Variants in MYO19 observed in about 807,000 individuals in gnomAD.
MYO19 encodes the protein myosin XIX.
MYO19 carries 132 observed loss-of-function variants against 129.2 expected under a neutral mutation model. The observed-to-expected ratio is 1.02, with a 90% CI of 0.89 to 1.18. MYO19 has a LOEUF of 1.18. MYO19 is among the 50% of genes most tolerant of loss of function. The pLI is 0.00. For missense variants in MYO19, 1,210 were observed against 1,216.7 expected (o/e 0.99, Z 0.08); for synonymous variants, 531 against 477.2 (o/e 1.11, Z -1.47).
upstream of MYO19, among the ~76,000 whole-genome samples, chr17:36,543,633 T>C: frequency 6.6e-6 from 1 of 152,098 alleles, no homozygotes; most frequent in East Asian, 1.9e-4. Context: ...AAATACTTTA[T>C]TTTGTTTTGA....
chr17:36,496,221 A>T lies in MYO19; in HGVS notation c.*30T>A. ...TCTTTGGCAAGGCAGGGGGCAGGAA[A>T]AGGCCTTGTGGAAACAAAGGCACCA... On this transcript the variant is annotated 3_prime_UTR_variant, in exon 26 of 26. Transcript: ENST00000614623. 1.2e-6 allele frequency: 2 copies of T among 1,611,714 alleles called. No individual in the cohort carries two copies. The highest frequency in any genetic ancestry group is 1.7e-6 in the Non-Finnish European group (2 of 1,178,264).
At chr17:36,538,105 A>G, upstream of MYO19, 1 of 1,614,208 alleles carries the variant, frequency 6.2e-7, no homozygotes, top group Non-Finnish European at 8.5e-7. Flanking sequence ...CATATCAAAG[A>G]CTTGATAAAA....
Position 36,506,516 on chromosome 17 carries a change from G to C in MYO19, c.1737C>G (p.Thr579=). Residue 579 remains threonine, a synonymous_variant, in exon 18 of 26, where the codon ACC becomes ACG. Transcript: ENST00000614623. ...TGCTCTGGCCAGGGGGTTCCTCCTG[G>C]GTCTTCTCTTTGGGGTTAGTAGGAA... ...GLFPTNPKEK[T]QEEPPGQSRA... 5 of 1,606,446 alleles carry C rather than the reference G, an allele frequency of 3.1e-6. No homozygotes were observed. Among genetic ancestry groups the C allele is most frequent in the Non-Finnish European group, 4.2e-6 (5 of 1,177,544 alleles).
chr17:36,518,893 T>G (rs1439863441), intron 6 of MYO19, among the ~76,000 whole-genome samples: 1 of 152,116 alleles, frequency 6.6e-6, no homozygotes, highest in African/African-American at 2.4e-5. Context: ...TCCCAATGTT[T>G]TAGGATTTTC....
intron 4 of MYO19, 119 bp from the exon 5 acceptor site, chr17:36,527,818 C>T (rs909653699): frequency 5.6e-5 from 66 of 1,182,676 alleles, no homozygotes; most frequent in Admixed American, 1.4e-4. Flanking sequence ...CATTAAATCC[C>T]AGCAGCTCCC....
At chr17:36,521,352 A>T (rs1306703817) in intron 6 of MYO19, among the ~76,000 whole-genome samples, 3 of 152,236 alleles carry the variant, frequency 2.0e-5, no homozygotes, top group African/African-American at 7.2e-5. Flanking sequence ...GTTAGAAAAA[A>T]ACTAGAATGT....
chr17:36,503,950 C>T lies in MYO19; in HGVS notation c.1976G>A (p.Arg659Gln), dbSNP rs751925536. ...IHISAAGFPI[R>Q]VSHRNFVERY... ...CTGTGCCGTGATCGAGCCCACTCACCGGATGGGGAAGCCAGCAGCACTGAT... is the reference window on the plus strand; with the variant it reads ...CTGTGCCGTGATCGAGCCCACTCACTGGATGGGGAAGCCAGCAGCACTGAT... The change falls in exon 20 of 26, where the codon CGG becomes CAG. Residue 659 changes from arginine to glutamine, a missense_variant and splice_region_variant. Coordinates refer to ENST00000614623, the MANE Select transcript of MYO19 (RefSeq NM_001163735.2). The T allele has an allele frequency of 3.0e-5, 48 of 1,588,990 alleles. No homozygotes were observed. The highest frequency in any genetic ancestry group is 4.6e-5 in the South Asian group (4 of 86,848).
intron 8 of MYO19, 26 bp downstream of exon 8, chr17:36,515,087 C>CTG (rs2072649636): frequency 6.3e-7 from 1 of 1,588,902 alleles, no homozygotes; most frequent in Non-Finnish European, 8.6e-7. Flanking sequence ...CATCCTCCCA[C>CTG]TAGCCAGGGC....
chr17:36,505,517 G>A (rs2071824289), intron 18 of MYO19, 113 bp from the exon 19 acceptor site: 2 of 712,490 alleles, frequency 2.8e-6, no homozygotes, highest in East Asian at 5.2e-5. Flanking sequence ...CCATGATCCT[G>A]AGACCAAGAA....
chr17:36,530,623 A>ATTT (rs71159612), intron 3 of MYO19, among the ~76,000 whole-genome samples: 2 of 79,052 alleles, frequency 2.5e-5, no homozygotes, highest in Non-Finnish European at 5.6e-5. Flanking sequence ...TGGCTTTTGT[A>ATTT]TTTTTTTTTT....
upstream of MYO19, among the ~76,000 whole-genome samples, chr17:36,536,129 C>G (rs55791191): frequency 6.6e-6 from 1 of 152,278 alleles, no homozygotes; most frequent in South Asian, 2.1e-4. Flanking sequence ...TTTTACAACC[C>G]TTAATAAAAG....
At chr17:36,504,379 A>G in intron 19 of MYO19, 1 of 235,202 alleles carries the variant, frequency 4.3e-6, no homozygotes, top group Non-Finnish European at 8.2e-6. Flanking sequence ...GTCTGCAGGC[A>G]TTAGAGGGTG....
At chr17:36,528,277 G>C in intron 3 of MYO19, 75 bp from the exon 4 acceptor site, 1 of 1,463,960 alleles carries the variant, frequency 6.8e-7, no homozygotes, top group Non-Finnish European at 9.3e-7. Context: ...GGGAGGCCAA[G>C]GCGGGCAGGA....
In MYO19 at chr17:36,498,333, G is replaced by C; in HGVS notation, c.2690C>G (p.Pro897Arg). Reference sequence around the variant, plus strand: ...TGCTGTCTGGACAGTGTAGCTACTGGGGCTGCCCCTGGGGAGCTGGAGGCA... The same window carrying C: ...TGCTGTCTGGACAGTGTAGCTACTGCGGCTGCCCCTGGGGAGCTGGAGGCA... ...WACLQLPRGS[P>R]SSYTVQTAQD... The change falls in exon 25 of 26, where the codon CCC becomes CGC. Residue 897 changes from proline to arginine, a missense_variant. Pro to Arg is a moderately radical substitution (Grantham distance 103). Transcript: ENST00000614623. 1 of 1,613,976 alleles carries C rather than the reference G, an allele frequency of 6.2e-7. No individual in the cohort carries two copies. The highest frequency in any genetic ancestry group is 8.5e-7 in the Non-Finnish European group (1 of 1,179,892).
At chr17:36,531,595 TAA>T (rs1033006641) in intron 3 of MYO19, among the ~76,000 whole-genome samples, 45 of 151,752 alleles carry the variant, frequency 3.0e-4, no homozygotes, top group African/African-American at 1.0e-3. Flanking sequence ...TTTTTTTTAA[TAA>T]GAGAAAAAAA....
rs984388422 is a variant in MYO19 at position 36,495,727 on chromosome 17, T to C, written c.*524A>G. 3.8e-5 allele frequency: 48 copies of C among 1,247,886 alleles called. No individual in the cohort carries two copies. Among genetic ancestry groups the C allele is most frequent in the Non-Finnish European group, 4.4e-5 (44 of 997,512 alleles). The allele number at this position is 1,247,886 out of a possible 1,614,324, so 77.3% of individuals were successfully genotyped here. On this transcript the variant is annotated 3_prime_UTR_variant, in exon 26 of 26. Transcript: ENST00000614623. Reference sequence around the variant, plus strand: ...CATATGGAGTTAAACTTGGTCAGTGTTAATAAAATCAAAACGTGATTCTAC... The same window carrying C: ...CATATGGAGTTAAACTTGGTCAGTGCTAATAAAATCAAAACGTGATTCTAC...
In MYO19 at chr17:36,498,254, C is replaced by T. The variant is rs553814007; in HGVS notation, c.2757+12G>A. ...AGGAACAAAGCTGTCATGGCCATCA[C>T]ACACAACGTACCTGAGGCAGCGCTC... On this transcript the variant is annotated intron_variant, in intron 25 of 25. Transcript: ENST00000614623. 6 of 1,602,460 alleles carry T rather than the reference C, an allele frequency of 3.7e-6. No individual in the cohort carries two copies. The highest frequency in any genetic ancestry group is 5.1e-6 in the Non-Finnish European group (6 of 1,173,184).
Position 36,532,646 on chromosome 17 carries a change from A to G in MYO19, c.-108T>C. ...GGGGTATGGTTCCAACAAAGGGCTC[A>G]GTTCTGGAGGAATCTCAGACAAGTC... On this transcript the variant is annotated 5_prime_UTR_variant, in exon 3 of 26. Coordinates refer to ENST00000614623, the MANE Select transcript of MYO19 (RefSeq NM_001163735.2). 7.5e-7 allele frequency: 1 copy of G among 1,329,792 alleles called. No homozygotes were observed. Among genetic ancestry groups the G allele is most frequent in the African/African-American group, 1.5e-5 (1 of 68,730 alleles). The allele number at this position is 1,329,792 out of a possible 1,614,324, so 82.4% of individuals were successfully genotyped here. A position where few individuals can be genotyped will look rare whatever the true frequency, so the allele number is the denominator to read the frequency against.
At position 36,516,605 on chromosome 17, in the gene MYO19, C is replaced by T. The variant is rs114198137; in HGVS notation, c.415-615G>A. On this transcript the variant is annotated intron_variant, in intron 6 of 25. Coordinates refer to ENST00000614623, the MANE Select transcript of MYO19 (RefSeq NM_001163735.2). ...GAGTCTGGTCTTGAGCTCCTGACCT[C>T]GTAATCTGCCCACCTTGGCCTCCCA... Among the ~76,000 whole-genome samples, 762 of 152,214 alleles carry T rather than the reference C, an allele frequency of 5.0e-3. 12 individuals are homozygous for T. Among genetic ancestry groups the T allele is most frequent in the East Asian group, 0.024 (124 of 5,164 alleles).
Sources: allele counts gnomAD v4.1 joint callset (sites outside exome capture counted in the v4.1 genomes callset), GRCh38; gene constraint gnomAD v4.1.1; transcripts MANE v1.5; gene names NCBI Gene and HGNC (gene_info 2026-07-23, HGNC 2026-07-21).